Variants in PIBF1 observed in about 807,000 individuals in gnomAD.
PIBF1 encodes progesterone immunomodulatory binding factor 1, also known as progesterone-induced-blocking factor 1.
Under a neutral mutation model 112.5 loss-of-function variants are expected in PIBF1, and 90 were observed. The observed-to-expected ratio is 0.80, with a 90% CI of 0.67 to 0.95. The LOEUF is 0.95. Among genes scored for constraint, PIBF1 ranks in the 40% least tolerant of loss-of-function variants. The probability of loss-of-function intolerance (pLI) is 0.00; values close to 1 mark genes in which losing one functional copy is unlikely to be tolerated. For synonymous variants in PIBF1, 301 were observed against 288.6 expected (o/e 1.04, Z -0.44); for missense variants, 915 against 852.3 (o/e 1.07, Z -0.92).
At chr13:73,014,359 A>G (rs1380624716) in intron 17 of PIBF1, among the ~76,000 whole-genome samples, 2 of 152,184 alleles carry the variant, frequency 1.3e-5, no homozygotes, top group African/African-American at 4.8e-5. Flanking sequence ...TCCAAAATCA[A>G]AGATATTAGA....
At chr13:72,879,327 A>G (rs979214937) in intron 10 of PIBF1, among the ~76,000 whole-genome samples, 2 of 152,282 alleles carry the variant, frequency 1.3e-5, no homozygotes, top group African/African-American at 4.8e-5. Flanking sequence ...TGTTTTTAGT[A>G]TCAGGAAGTC....
chr13:72,931,210 G>T lies in PIBF1; in HGVS notation c.1776G>T (p.Ser592=). The T allele has an allele frequency of 6.2e-7, 1 of 1,612,994 alleles. No individual in the cohort carries two copies. Among genetic ancestry groups the T allele is most frequent in the South Asian group, 1.1e-5 (1 of 90,966 alleles). The change falls in exon 14 of 18, where the codon TCG becomes TCT. Residue 592 remains serine, a synonymous_variant. Transcript: ENST00000326291. ...TGCTTCAATTAGAAAAACAAAACTCGCTGATTTTAAAAGATCTGGAACATC... is the reference window on the plus strand; with the variant it reads ...TGCTTCAATTAGAAAAACAAAACTCTCTGATTTTAAAAGATCTGGAACATC... The part of the protein sequence containing the change: ...RRVLQLEKQN[S]LILKDLEHRK...
At chr13:72,928,756 G>A (rs1342983964) in intron 13 of PIBF1, among the ~76,000 whole-genome samples, 1 of 152,122 alleles carries the variant, frequency 6.6e-6, no homozygotes, top group Admixed American at 6.6e-5. Context: ...TCTTGAGTCA[G>A]TGTTTTATGA....
At position 72,958,549 on chromosome 13, in the gene PIBF1, C is replaced by T. The variant is rs1268841575; in HGVS notation, c.1834-6725C>T. ...CTTTAATTATTGACATAATAAAATA[C>T]TAGCAGAAACACTGGTAAATAGCTC... On this transcript the variant is annotated intron_variant, in intron 14 of 17. Transcript: ENST00000326291. 3.9e-5 allele frequency among the ~76,000 whole-genome samples: 6 copies of T among 151,982 alleles called. 1 individual carries two copies. Among genetic ancestry groups the T allele is most frequent in the Non-Finnish European group, 8.8e-5 (6 of 68,010 alleles).
intron 17 of PIBF1, among the ~76,000 whole-genome samples, chr13:73,004,218 C>T (rs940213458): frequency 1.3e-5 from 2 of 152,022 alleles, no homozygotes; most frequent in Non-Finnish European, 2.9e-5. Flanking sequence ...TGGCCAGGCG[C>T]GGTGGCTCAC....
At chr13:72,858,026 TG>T (rs2038512216) in intron 10 of PIBF1, among the ~76,000 whole-genome samples, 1 of 1,864 alleles carries the variant, frequency 5.4e-4, no homozygotes, top group Non-Finnish European at 1.3e-3. Flanking sequence ...ATGTACATTG[TG>T]TGTGTGTGTG....
At chr13:72,885,508 T>G (rs1240568969) in intron 10 of PIBF1, among the ~76,000 whole-genome samples, 1 of 152,170 alleles carries the variant, frequency 6.6e-6, no homozygotes, top group Admixed American at 6.6e-5. Flanking sequence ...GTTAGTAATA[T>G]TCTGGATATA....
intron 17 of PIBF1, among the ~76,000 whole-genome samples, chr13:73,014,613 C>G (rs1312983597): frequency 6.6e-6 from 1 of 152,038 alleles, no homozygotes; most frequent in Non-Finnish European, 1.5e-5. Flanking sequence ...AACAAATGTA[C>G]CATTGTGCTA....
chr13:72,970,082 T>C (rs1465701737), intron 15 of PIBF1, among the ~76,000 whole-genome samples: 1 of 152,186 alleles, frequency 6.6e-6, no homozygotes, highest in Non-Finnish European at 1.5e-5. Flanking sequence ...ACTGAATAAT[T>C]GTATGCTTTT....
intron 14 of PIBF1, among the ~76,000 whole-genome samples, chr13:72,944,290 T>TA (rs1164943963): frequency 1.3e-5 from 2 of 151,592 alleles, no homozygotes; most frequent in African/African-American, 4.8e-5. Context: ...CTACTGAAAA[T>TA]ACAAAAATTA....
At chr13:72,886,035 C>G (rs895337769) in intron 10 of PIBF1, among the ~76,000 whole-genome samples, 16 of 152,034 alleles carry the variant, frequency 1.1e-4, no homozygotes, top group Non-Finnish European at 7.4e-5. Context: ...ACTTTTACAT[C>G]CCTTTTTGCC....
intron 10 of PIBF1, among the ~76,000 whole-genome samples, chr13:72,869,059 G>C (rs557974570): frequency 8.1e-4 from 123 of 152,152 alleles, no homozygotes; most frequent in African/African-American, 2.9e-3. Context: ...TCAGTGTGGC[G>C]ATTCCTCAGG....
chr13:72,997,638 G>A (rs1350864565), intron 16 of PIBF1, among the ~76,000 whole-genome samples: 1 of 152,190 alleles, frequency 6.6e-6, no homozygotes, highest in Non-Finnish European at 1.5e-5. Flanking sequence ...AGGCCTGTAG[G>A]AACTTGCTGT....
At chr13:72,883,692 T>C (rs1196659912) in intron 10 of PIBF1, among the ~76,000 whole-genome samples, 1 of 152,208 alleles carries the variant, frequency 6.6e-6, no homozygotes, top group Non-Finnish European at 1.5e-5. Context: ...TTCACCATTT[T>C]GACCAGGCTG....
intron 10 of PIBF1, among the ~76,000 whole-genome samples, chr13:72,863,172 G>C (rs933261103): frequency 2.6e-5 from 4 of 151,892 alleles, no homozygotes; most frequent in African/African-American, 9.7e-5. Context: ...TCAATCACAG[G>C]CTATATAACA....
At chr13:72,850,013 G>A (rs930667535) in intron 9 of PIBF1, among the ~76,000 whole-genome samples, 2 of 152,204 alleles carry the variant, frequency 1.3e-5, no homozygotes, top group African/African-American at 4.8e-5. Context: ...AGAATACATT[G>A]AGTTTTTCTC....
intron 16 of PIBF1, among the ~76,000 whole-genome samples, chr13:72,982,486 C>T (rs1000005998): frequency 6.6e-6 from 1 of 152,036 alleles, no homozygotes; most frequent in Admixed American, 6.6e-5. Flanking sequence ...CTTTGAAGCC[C>T]TCCCTACCTC....
intron 5 of PIBF1, among the ~76,000 whole-genome samples, chr13:72,801,543 C>T (rs757582154): frequency 7.9e-5 from 12 of 152,040 alleles, no homozygotes; most frequent in African/African-American, 2.4e-4. Flanking sequence ...TGTAAACAAA[C>T]GTAAAGATGC....
At chr13:72,981,109 G>T (rs1313156517) in intron 16 of PIBF1, among the ~76,000 whole-genome samples, 1 of 151,698 alleles carries the variant, frequency 6.6e-6, no homozygotes, top group Admixed American at 6.6e-5. Flanking sequence ...GCCGGGCGTG[G>T]TGGCAGACAC....
Sources: allele counts gnomAD v4.1 joint callset (sites outside exome capture counted in the v4.1 genomes callset), GRCh38; gene constraint gnomAD v4.1.1; transcripts MANE v1.5; gene names NCBI Gene and HGNC (gene_info 2026-07-23, HGNC 2026-07-21).